The following CPED1 variants were observed in gnomAD, a reference collection of about 807,000 sequenced individuals.
CPED1 encodes cadherin like and PC-esterase domain containing 1.
Under a neutral mutation model 128.2 loss-of-function variants are expected in CPED1, and 114 were observed. The observed-to-expected ratio is 0.89, with a 90% confidence interval of 0.76 to 1.04. The LOEUF is 1.04. Ranked by LOEUF, CPED1 falls within the 50% of genes least tolerant of loss-of-function variation. The pLI is 0.00. For missense variants in CPED1, 1,211 were observed against 1,207.1 expected, an observed-to-expected ratio of 1.00 and a Z score of -0.05; for synonymous variants, 462 against 426.7, an observed-to-expected ratio of 1.08 and a Z score of -1.02.
intron 22 of CPED1, among the ~76,000 whole-genome samples, chr7:121,273,599 C>A (rs1339590312): frequency 6.6e-6 from 1 of 152,034 alleles, no homozygotes; most frequent in Non-Finnish European, 1.5e-5. Flanking sequence ...GCAGTAGTTG[C>A]TCTGTATGAT....
intron 3 of CPED1, among the ~76,000 whole-genome samples, chr7:121,044,867 A>T (rs1340181308): frequency 1.3e-5 from 2 of 152,020 alleles, no homozygotes; most frequent in Non-Finnish European, 2.9e-5. Flanking sequence ...GGAATATAAA[A>T]CTTACTCTGA....
intron 11 of CPED1, among the ~76,000 whole-genome samples, chr7:121,128,732 C>T (rs1253053372): frequency 6.6e-6 from 1 of 152,020 alleles, no homozygotes. Flanking sequence ...AGCATAGCTG[C>T]CAGAATTTGA....
chr7:121,037,078 C>T (rs759261236), intron 3 of CPED1, among the ~76,000 whole-genome samples: 1 of 151,988 alleles, frequency 6.6e-6, no homozygotes, highest in Non-Finnish European at 1.5e-5. Context: ...TTTTCTTTCC[C>T]TCTGTGGATT....
intron 4 of CPED1, chr7:121,050,803 C>T: frequency 2.2e-6 from 1 of 458,910 alleles, no homozygotes; most frequent in South Asian, 1.6e-5. Context: ...GTCTCAGCAG[C>T]TCAGGCGGCG....
chr7:121,216,682 C>T (rs1473019483), intron 16 of CPED1, among the ~76,000 whole-genome samples: 2 of 151,970 alleles, frequency 1.3e-5, no homozygotes, highest in Admixed American at 6.6e-5. Flanking sequence ...GTACTGGATG[C>T]TGCAAGTTTT....
chr7:121,184,715 A>G (rs1796967004), intron 16 of CPED1, among the ~76,000 whole-genome samples: 1 of 152,202 alleles, frequency 6.6e-6, no homozygotes, highest in South Asian at 2.1e-4. Context: ...AACAAAAAAA[A>G]TCATTGTAAA....
At chr7:121,036,734 G>A (rs1253629843) in intron 3 of CPED1, among the ~76,000 whole-genome samples, 2 of 152,006 alleles carry the variant, frequency 1.3e-5, no homozygotes, top group Non-Finnish European at 2.9e-5. Context: ...CATAGTGGTT[G>A]TACTAGTTTA....
intron 7 of CPED1, among the ~76,000 whole-genome samples, chr7:121,106,776 T>C (rs1237133418): frequency 6.6e-6 from 1 of 152,026 alleles, no homozygotes; most frequent in Non-Finnish European, 1.5e-5. Flanking sequence ...ATCCTGGAAG[T>C]GTATTGCCCG....
intron 3 of CPED1, among the ~76,000 whole-genome samples, chr7:121,022,526 A>C (rs769958981): frequency 3.3e-5 from 5 of 151,874 alleles, no homozygotes; most frequent in African/African-American, 9.7e-5. Context: ...CTTTCTATAC[A>C]TATTCAGTTA....
intron 2 of CPED1, among the ~76,000 whole-genome samples, chr7:121,000,296 T>C (rs1476890912): frequency 6.6e-6 from 1 of 152,210 alleles, no homozygotes; most frequent in East Asian, 1.9e-4. Context: ...AACAGAACTT[T>C]GTCAACTTTT....
At chr7:121,125,447 C>G (rs898029073) in intron 8 of CPED1, among the ~76,000 whole-genome samples, 1 of 152,262 alleles carries the variant, frequency 6.6e-6, no homozygotes, top group Admixed American at 6.5e-5. Flanking sequence ...TGTCCTAATG[C>G]TTTCCCTCTC....
rs140085081 is a variant in CPED1 at position 121,015,735 on chromosome 7, A to G, written c.320A>G (p.Tyr107Cys). 2.8e-4 allele frequency: 457 copies of G among 1,611,860 alleles called. 1 individual carries two copies. In the African/African-American group the frequency reaches 5.0e-3, roughly 18 times the overall value. ...GCCATACTCTACAGGCCTCCTTTCT[A>G]CAGCAAAACAGAGCTTCAGCTACAC... ...RRAILYRPPF[Y>C]SKTELQLHQH... is the part of the protein sequence containing the mutation. Residue 107 changes from tyrosine to cysteine, a missense_variant, in exon 3 of 23, where the codon TAC (tyrosine) becomes TGC (cysteine). Coordinates refer to ENST00000310396, the MANE Select transcript of CPED1 (RefSeq NM_024913.5).
chr7:121,012,587 C>T (rs1422397898), intron 2 of CPED1, among the ~76,000 whole-genome samples: 2 of 152,188 alleles, frequency 1.3e-5, no homozygotes, highest in Non-Finnish European at 2.9e-5. Flanking sequence ...TTGTTCACAT[C>T]GTTTTAATTT....
intron 16 of CPED1, among the ~76,000 whole-genome samples, chr7:121,176,398 T>G (rs1258561309): frequency 1.3e-5 from 2 of 151,848 alleles, no homozygotes; most frequent in African/African-American, 2.4e-5. Flanking sequence ...TTTTTAAACA[T>G]GTTTTACAGG....
chr7:121,196,532 G>A (rs1348548255), intron 16 of CPED1, among the ~76,000 whole-genome samples: 5 of 152,082 alleles, frequency 3.3e-5, no homozygotes, highest in Non-Finnish European at 7.4e-5. Context: ...TTATTAAAGG[G>A]CAGATTTGTA....
At chr7:121,193,997 T>G (rs1436427440) in intron 16 of CPED1, among the ~76,000 whole-genome samples, 2 of 50,610 alleles carry the variant, frequency 4.0e-5, no homozygotes, top group Non-Finnish European at 7.6e-5. Context: ...ATGAGCAAGC[T>G]CTCTCTCTCT....
intron 17 of CPED1, among the ~76,000 whole-genome samples, chr7:121,243,518 A>G (rs182116900): frequency 6.6e-6 from 1 of 152,058 alleles, no homozygotes; most frequent in African/African-American, 2.4e-5. Context: ...GAACTCTGTT[A>G]GTAACAAAAG....
At chr7:121,060,062 G>A (rs1030610365) in intron 4 of CPED1, among the ~76,000 whole-genome samples, 7 of 152,160 alleles carry the variant, frequency 4.6e-5, no homozygotes, top group African/African-American at 1.7e-4. Context: ...CCCTGCACTC[G>A]GAGCAGCCGG....
intron 16 of CPED1, among the ~76,000 whole-genome samples, chr7:121,174,493 C>CT (rs58307601): frequency 0.14 from 20,587 of 146,968 alleles, 2,252 homozygotes; most frequent in East Asian, 0.44. Flanking sequence ...TTCCCCATTG[C>CT]TTTTTTTTTT....
Sources: allele counts gnomAD v4.1 joint callset (sites outside exome capture counted in the v4.1 genomes callset), GRCh38; gene constraint gnomAD v4.1.1; transcripts MANE v1.5; gene names NCBI Gene and HGNC (gene_info 2026-07-23, HGNC 2026-07-21).